ENTPD7: variants seen among roughly 807,000 people sequenced by gnomAD.
ENTPD7 encodes the protein ectonucleoside triphosphate diphosphohydrolase 7, also known as NTPDase 7.
ENTPD7 carries 53 observed loss-of-function variants against 77.9 expected under a neutral mutation model. That is an observed-to-expected ratio of 0.68 (90% CI 0.55 to 0.85). ENTPD7 has a LOEUF of 0.85. ENTPD7 is among the 40% of genes least tolerant of loss of function. The probability of loss-of-function intolerance (pLI) is 0.00; values close to 1 mark genes in which losing one functional copy is unlikely to be tolerated. For synonymous variants in ENTPD7, 248 were observed against 274.9 expected, an observed-to-expected ratio of 0.90 and a Z score of 0.97; for missense variants, 636 against 743.7, an observed-to-expected ratio of 0.86 and a Z score of 1.68.
chr10:99,679,983 T>C (rs1564630319), intron 5 of ENTPD7, 108 bp downstream of exon 5: 20 of 1,296,576 alleles, frequency 1.5e-5, no homozygotes, highest in Non-Finnish European at 2.0e-5. Flanking sequence ...CTAAACCCAA[T>C]TATGACACAA....
rs566799599 is a variant in ENTPD7, at chr10:99,710,331, A to G, written c.*5648A>G. On this transcript the variant is annotated 3_prime_UTR_variant, in exon 13 of 13. Transcript: ENST00000370489. ...TTACTATGTTGTATTTGAAATTCTC[A>G]TTCCACAATTACCCTTTAGTTGAAG... The G allele has an allele frequency of 1.0e-6, 1 of 985,424 alleles. No individual in the cohort carries two copies. The highest frequency in any genetic ancestry group is 1.2e-6 in the Non-Finnish European group (1 of 829,930). The allele number at this position is 985,424 out of a possible 1,614,324, so 61.0% of individuals were successfully genotyped here.
chr10:99,662,717 G>C (rs1486753363), intron 3 of ENTPD7, among the ~76,000 whole-genome samples: 1 of 152,162 alleles, frequency 6.6e-6, no homozygotes, highest in Non-Finnish European at 1.5e-5. Flanking sequence ...TTGATTTATT[G>C]AGGGAATTTG....
chr10:99,697,054 A>AT (rs2035998029), intron 9 of ENTPD7, among the ~76,000 whole-genome samples: 1 of 152,358 alleles, frequency 6.6e-6, no homozygotes, highest in Admixed American at 6.5e-5. Flanking sequence ...AAGTACTGGT[A>AT]TACCCCGTTT....
At chr10:99,681,010 G>A (rs1043430523) in intron 5 of ENTPD7, among the ~76,000 whole-genome samples, 1 of 152,172 alleles carries the variant, frequency 6.6e-6, no homozygotes, top group Non-Finnish European at 1.5e-5. Flanking sequence ...ATTGTCGTTA[G>A]TGTTCATCCA....
chr10:99,694,531 TTTTTTTG>T (rs1274486438), intron 8 of ENTPD7, among the ~76,000 whole-genome samples: 7 of 59,020 alleles, frequency 1.2e-4, no homozygotes, highest in Non-Finnish European at 2.6e-4. Flanking sequence ...TGTACATAAG[TTTTTTTG>T]TTTTTTTTTT....
intron 5 of ENTPD7, among the ~76,000 whole-genome samples, chr10:99,685,335 T>C (rs770402326): frequency 6.6e-6 from 1 of 152,244 alleles, no homozygotes; most frequent in Non-Finnish European, 1.5e-5. Context: ...TGTGTGGTAA[T>C]GTGAAGCATT....
intron 5 of ENTPD7, among the ~76,000 whole-genome samples, chr10:99,681,068 A>G (rs540707956): frequency 4.6e-5 from 7 of 152,252 alleles, no homozygotes; most frequent in Non-Finnish European, 8.8e-5. Flanking sequence ...AAAAGTCTAA[A>G]TAGTATTCCA....
At position 99,706,902 on chromosome 10, in the gene ENTPD7, C is replaced by T. The variant is rs2036264871; in HGVS notation, c.*2219C>T. 6.6e-6 allele frequency among the ~76,000 whole-genome samples: 1 copy of T among 152,162 alleles called. No homozygotes were observed. The highest frequency in any genetic ancestry group is 2.1e-4 in the South Asian group (1 of 4,834). On this transcript the variant is annotated 3_prime_UTR_variant, in exon 13 of 13. Transcript: ENST00000370489. ...AGTCAGAAGCTACTTCACTGGCTAA[C>T]AGTGATCATGTTCATGTGCTAAAAA...
At chr10:99,700,857 C>T (rs778421099) in intron 10 of ENTPD7, 116 bp from the exon 11 acceptor site, 265 of 813,004 alleles carry the variant, frequency 3.3e-4, no homozygotes, top group Non-Finnish European at 5.1e-4. Flanking sequence ...TTTCTGTTTT[C>T]CTTTGTCAGC....
At chr10:99,692,170 G>A (rs1273081106) in intron 8 of ENTPD7, among the ~76,000 whole-genome samples, 1 of 152,180 alleles carries the variant, frequency 6.6e-6, no homozygotes, top group Non-Finnish European at 1.5e-5. Context: ...ATATCAGGGA[G>A]ACTGTAGCAG....
chr10:99,669,065 A>T (rs2035586710), intron 3 of ENTPD7, among the ~76,000 whole-genome samples: 1 of 142,488 alleles, frequency 7.0e-6, no homozygotes, highest in Non-Finnish European at 1.5e-5. Flanking sequence ...TTTTGTAGAG[A>T]CAGTGTCTCC....
At chr10:99,672,903 T>C (rs2035633638) in intron 3 of ENTPD7, among the ~76,000 whole-genome samples, 1 of 152,150 alleles carries the variant, frequency 6.6e-6, no homozygotes, top group East Asian at 1.9e-4. Flanking sequence ...AACTCTAAAG[T>C]GGTATAATTA....
At chr10:99,672,216 C>A (rs2035626427) in intron 3 of ENTPD7, among the ~76,000 whole-genome samples, 1 of 152,004 alleles carries the variant, frequency 6.6e-6, no homozygotes, top group Non-Finnish European at 1.5e-5. Flanking sequence ...AACACCTGAC[C>A]TCAAGCAGTC....
intron 7 of ENTPD7, among the ~76,000 whole-genome samples, chr10:99,690,298 G>T (rs1000180061): frequency 1.3e-5 from 2 of 152,118 alleles, no homozygotes; most frequent in Non-Finnish European, 2.9e-5. Flanking sequence ...ACCACAGGTG[G>T]TCATTACTCC....
intron 3 of ENTPD7, among the ~76,000 whole-genome samples, chr10:99,677,348 A>C (rs1486843037): frequency 6.9e-6 from 1 of 145,606 alleles, no homozygotes; most frequent in Non-Finnish European, 1.5e-5. Context: ...TTGGATGAGC[A>C]GGGCAGATAG....
chr10:99,676,280 ATT>A (rs1200091571), intron 3 of ENTPD7, among the ~76,000 whole-genome samples: 1 of 152,048 alleles, frequency 6.6e-6, no homozygotes, highest in Non-Finnish European at 1.5e-5. Flanking sequence ...AATACTTAAC[ATT>A]TTTATGTTTT....
Position 99,704,576 on chromosome 10 carries a change from C to G in ENTPD7, c.1708C>G (p.Leu570Val), listed in dbSNP as rs1456133920. Residue 570 changes from leucine to valine, a missense_variant, in exon 13 of 13, where the codon CTG becomes GTG. Physicochemically the swap from Leu to Val is conservative, Grantham distance 32. Transcript: ENST00000370489. ...GCTACTGGCCATCTTCCTATACCTT[C>G]TGCGGCTACGCCGAATTCACCACCG... ...VVLLAIFLYL[L>V]RLRRIHHRQT... 4 of 1,614,094 alleles carry G rather than the reference C, an allele frequency of 2.5e-6. No homozygotes were observed. Among genetic ancestry groups the G allele is most frequent in the African/African-American group, 2.7e-5 (2 of 74,940 alleles).
intron 10 of ENTPD7, among the ~76,000 whole-genome samples, chr10:99,699,812 C>T (rs1475322660): frequency 5.9e-5 from 9 of 152,100 alleles, no homozygotes; most frequent in Admixed American, 3.3e-4. Flanking sequence ...GTGATCTGCC[C>T]GCCTTGGCCC....
At chr10:99,667,319 G>A (rs1384096760) in intron 3 of ENTPD7, among the ~76,000 whole-genome samples, 6 of 152,132 alleles carry the variant, frequency 3.9e-5, no homozygotes, top group Non-Finnish European at 7.4e-5. Flanking sequence ...TTGCTGTGTC[G>A]ATGACTCTAT....
Sources: allele counts gnomAD v4.1 joint callset (sites outside exome capture counted in the v4.1 genomes callset), GRCh38; gene constraint gnomAD v4.1.1; transcripts MANE v1.5; gene names NCBI Gene and HGNC (gene_info 2026-07-23, HGNC 2026-07-21).